Variants in C1orf21 observed in about 807,000 individuals in gnomAD.
C1orf21 encodes the protein chromosome 1 open reading frame 21.
C1orf21 carries 3 observed loss-of-function variants against 18.7 expected under a neutral mutation model. That is an observed-to-expected ratio of 0.16 (90% CI 0.07 to 0.42). The LOEUF is 0.42. Among genes scored for constraint, C1orf21 ranks in the 10% least tolerant of loss-of-function variants. The probability of loss-of-function intolerance (pLI) is 0.99; values close to 1 mark genes in which losing one functional copy is unlikely to be tolerated. For missense variants in C1orf21, 104 were observed against 143.6 expected (o/e 0.72, Z 1.41); for synonymous variants, 41 against 46.4 (o/e 0.88, Z 0.47).
chr1:184,628,108 A>G lies in C1orf21; in HGVS notation c.*8552A>G, dbSNP rs1660047319. On this transcript the variant is annotated 3_prime_UTR_variant, in exon 6 of 6. Transcript: ENST00000235307. ...ATCTTGGGGCATTGCTCTTCTGAACACCTGCAGAGGCTTCCTCAGGTGAGT... is the reference window on the plus strand; with the variant it reads ...ATCTTGGGGCATTGCTCTTCTGAACGCCTGCAGAGGCTTCCTCAGGTGAGT... The G allele has an allele frequency of 6.6e-6, 1 of 152,178 alleles. No homozygotes were observed. The highest frequency in any genetic ancestry group is 1.5e-5 in the Non-Finnish European group (1 of 68,036). The allele number at this position is 152,178 out of a possible 1,614,324, so 9.4% of individuals were successfully genotyped here. A position where few individuals can be genotyped will look rare whatever the true frequency, so the allele number is the denominator to read the frequency against.
chr1:184,496,111 G>C (rs1282721176), intron 2 of C1orf21, among the ~76,000 whole-genome samples: 1 of 152,056 alleles, frequency 6.6e-6, no homozygotes, highest in Non-Finnish European at 1.5e-5. Context: ...GGGTAGAAAA[G>C]GGGGCAGGTA....
intron 1 of C1orf21, among the ~76,000 whole-genome samples, chr1:184,397,403 G>A (rs376049262): frequency 5.3e-5 from 8 of 152,062 alleles, no homozygotes; most frequent in Non-Finnish European, 8.8e-5. Flanking sequence ...TGGCTAACAC[G>A]GTGAAACCCC....
intron 1 of C1orf21, among the ~76,000 whole-genome samples, chr1:184,441,240 T>A (rs1218776994): frequency 6.6e-6 from 1 of 152,366 alleles, no homozygotes; most frequent in East Asian, 1.9e-4. Context: ...TATTTAACTA[T>A]GCTATATCTT....
At chr1:184,406,590 C>G (rs979248779) in intron 1 of C1orf21, among the ~76,000 whole-genome samples, 1 of 152,144 alleles carries the variant, frequency 6.6e-6, no homozygotes, top group Non-Finnish European at 1.5e-5. Context: ...GAAGTGCATT[C>G]AGAACATCTT....
rs769720906 is a variant in C1orf21 at position 184,551,166 on chromosome 1, G to T, written c.190-39573G>T. On this transcript the variant is annotated intron_variant, in intron 3 of 5. Coordinates refer to ENST00000235307, the MANE Select transcript of C1orf21 (RefSeq NM_030806.4). Reference sequence around the variant, plus strand: ...GAATACAGCAATCCCATGGAGAAGAGGTAGATTATTCAGCAAACTACACCA... The same window carrying T: ...GAATACAGCAATCCCATGGAGAAGATGTAGATTATTCAGCAAACTACACCA... Among the ~76,000 whole-genome samples the T allele has an allele frequency of 5.7e-4, 87 of 152,108 alleles. 1 individual carries two copies. The highest frequency in any genetic ancestry group is 6.3e-4 in the Non-Finnish European group (43 of 68,022).
At chr1:184,534,324 T>C (rs1658514999) in intron 3 of C1orf21, among the ~76,000 whole-genome samples, 1 of 152,210 alleles carries the variant, frequency 6.6e-6, no homozygotes, top group Non-Finnish European at 1.5e-5. Context: ...CGAGATTTAC[T>C]TTGGAATGAG....
At chr1:184,512,267 G>T (rs752585520) in intron 3 of C1orf21, among the ~76,000 whole-genome samples, 1 of 152,188 alleles carries the variant, frequency 6.6e-6, no homozygotes, top group Non-Finnish European at 1.5e-5. Flanking sequence ...GGATAACTGT[G>T]CATGATCTGC....
intron 5 of C1orf21, among the ~76,000 whole-genome samples, chr1:184,606,178 G>A: frequency 6.6e-6 from 1 of 152,196 alleles, no homozygotes; most frequent in East Asian, 1.9e-4. Flanking sequence ...GTGAGTCAGT[G>A]GCATGGATAC....
chr1:184,398,813 C>T (rs1656103954), intron 1 of C1orf21, among the ~76,000 whole-genome samples: 2 of 152,040 alleles, frequency 1.3e-5, no homozygotes, highest in South Asian at 4.2e-4. Context: ...AAATGATATA[C>T]CTGTGTAGGA....
chr1:184,545,593 G>A (rs1439904307), intron 3 of C1orf21, among the ~76,000 whole-genome samples: 1 of 151,942 alleles, frequency 6.6e-6, no homozygotes, highest in East Asian at 1.9e-4. Flanking sequence ...CAAGTCTCAG[G>A]GCTGTTCGGG....
chr1:184,596,530 G>A (rs1181547482), intron 4 of C1orf21, among the ~76,000 whole-genome samples: 1 of 152,132 alleles, frequency 6.6e-6, no homozygotes, highest in Non-Finnish European at 1.5e-5. Flanking sequence ...CAACATTTCT[G>A]GGGCAACATA....
At chr1:184,572,459 C>T (rs1374224217) in intron 3 of C1orf21, among the ~76,000 whole-genome samples, 4 of 152,186 alleles carry the variant, frequency 2.6e-5, no homozygotes, top group Non-Finnish European at 4.4e-5. Flanking sequence ...AGATGTAGCA[C>T]TCACATTTGT....
chr1:184,535,886 C>T (rs1448144590), intron 3 of C1orf21, among the ~76,000 whole-genome samples: 5 of 148,516 alleles, frequency 3.4e-5, no homozygotes, highest in Non-Finnish European at 6.0e-5. Context: ...TCAAAATTTT[C>T]CATTTGCTTT....
chr1:184,530,600 C>CTTTTTTTTTTTTT (rs1184327589), intron 3 of C1orf21, among the ~76,000 whole-genome samples: 21 of 111,460 alleles, frequency 1.9e-4, no homozygotes, highest in Non-Finnish European at 2.6e-4. Flanking sequence ...TTTCTTTTTT[C>CTTTTTTTTTTTTT]TTTTTTTTTT....
Position 184,401,361 on chromosome 1 carries a change from C to T in C1orf21, c.-125+13993C>T, listed in dbSNP as rs34481265. The stretch of plus-strand genomic sequence containing the variant: ...TCAGCCTCCCCAGTAGCTGGGATTA[C>T]AGGCATGCACCACCATGCCCTGCTA... On this transcript the variant is annotated intron_variant, in intron 1 of 5. Transcript: ENST00000235307. Among the ~76,000 whole-genome samples, 1,212 of 152,214 alleles carry T rather than the reference C, an allele frequency of 8.0e-3. 5 individuals are homozygous for T. Among genetic ancestry groups the T allele is most frequent in the Middle Eastern group, 0.014 (4 of 294 alleles).
In C1orf21 at chr1:184,494,975, C is replaced by A. The variant is rs528639194; in HGVS notation, c.95-12613C>A. 5.3e-5 allele frequency among the ~76,000 whole-genome samples: 8 copies of A among 152,148 alleles called. No individual in the cohort carries two copies. The East Asian group carries it at 1.2e-3, about 22-fold the overall frequency. ...CTGTACCCAGGCACAGGGCATGGCC[C>A]AAGTGAGGAGAAGTGCTGCAGCCCT... On this transcript the variant is annotated intron_variant, in intron 2 of 5. Transcript: ENST00000235307.
At chr1:184,462,945 G>A (rs1488771918) in intron 1 of C1orf21, among the ~76,000 whole-genome samples, 2 of 152,050 alleles carry the variant, frequency 1.3e-5, no homozygotes, top group Non-Finnish European at 2.9e-5. Flanking sequence ...AGCTCAGCGT[G>A]GTGGCAGGTG....
intron 2 of C1orf21, among the ~76,000 whole-genome samples, chr1:184,481,859 A>G (rs535230164): frequency 2.0e-5 from 3 of 152,294 alleles, no homozygotes; most frequent in East Asian, 3.9e-4. Flanking sequence ...CCAGAATCCA[A>G]TGTCAAGACA....
Position 184,619,599 on chromosome 1 carries a change from T to C in C1orf21, c.*43T>C. Reference sequence around the variant, plus strand: ...AAACCAGGAGCTACTACTGTGTAAATAGGTTACACCCCAGTTGAAATCTTT... The same window carrying C: ...AAACCAGGAGCTACTACTGTGTAAACAGGTTACACCCCAGTTGAAATCTTT... On this transcript the variant is annotated 3_prime_UTR_variant, in exon 6 of 6. Transcript: ENST00000235307. The C allele has an allele frequency of 5.7e-6, 9 of 1,580,348 alleles. No homozygotes were observed. The highest frequency in any genetic ancestry group is 7.8e-6 in the Non-Finnish European group (9 of 1,153,076).
Sources: gnomAD v4.1 joint callset for allele counts (sites outside exome capture counted in the v4.1 genomes callset) on GRCh38, gnomAD v4.1.1 for gene constraint, MANE v1.5 for transcripts, NCBI Gene and HGNC (gene_info 2026-07-23, HGNC 2026-07-21) for gene names.